The following ANO2 variants were observed in gnomAD, a reference collection of about 807,000 sequenced individuals.
The protein encoded by ANO2 is anoctamin-2.
In ANO2, 101 loss-of-function variants were observed where a neutral mutation model predicts 124.2. That is an observed-to-expected ratio of 0.81 (90% CI 0.69 to 0.96). The LOEUF (loss-of-function observed/expected upper bound fraction) is 0.96. ANO2 is among the 40% of genes least tolerant of loss of function. The probability of loss-of-function intolerance (pLI) is 0.00; values close to 1 mark genes in which losing one functional copy is unlikely to be tolerated. For missense variants in ANO2, 1,293 were observed against 1,274.5 expected, an observed-to-expected ratio of 1.01 and a Z score of -0.22; for synonymous variants, 486 against 482.5, an observed-to-expected ratio of 1.01 and a Z score of -0.09.
intron 7 of ANO2, 27 bp downstream of exon 7, chr12:5,827,732 GCCCGTCAGCA>G (rs747153296): frequency 2.5e-6 from 4 of 1,594,752 alleles, no homozygotes; most frequent in Non-Finnish European, 3.4e-6. Flanking sequence ...CCGCCTCAGC[GCCCGTCAGCA>G]CCCTGCCCGC....
chr12:5,643,848 A>G (rs1337072598), intron 15 of ANO2, among the ~76,000 whole-genome samples: 1 of 152,172 alleles, frequency 6.6e-6, no homozygotes, highest in Non-Finnish European at 1.5e-5. Context: ...TGTGAAGTAC[A>G]TATTCATCTT....
intron 7 of ANO2, among the ~76,000 whole-genome samples, chr12:5,820,285 T>C (rs1234779497): frequency 6.6e-6 from 1 of 152,140 alleles, no homozygotes; most frequent in East Asian, 1.9e-4. Flanking sequence ...TAACTGTGCA[T>C]TGGGGAAAGG....
Position 5,900,723 on chromosome 12 carries a change from G to A in ANO2, c.534+20317C>T, listed in dbSNP as rs1940137127. 6.6e-6 allele frequency among the ~76,000 whole-genome samples: 1 copy of A among 152,204 alleles called. No homozygotes were observed. The highest frequency in any genetic ancestry group is 1.5e-5 in the Non-Finnish European group (1 of 68,034). On this transcript the variant is annotated intron_variant, in intron 3 of 24. Transcript: ENST00000682330. The surrounding 1 kb of genome is among the most constrained non-coding windows in gnomAD (Gnocchi z 4.2). ...CATGGGTGGGGCCGGGACAGGAAAT[G>A]GCCAAGCACACAGCATCTTCCCAAC...
At chr12:5,725,954 T>C (rs1196511796) in intron 14 of ANO2, among the ~76,000 whole-genome samples, 5 of 152,084 alleles carry the variant, frequency 3.3e-5, no homozygotes, top group Non-Finnish European at 7.4e-5. Context: ...GTTACAGGGA[T>C]GAGAGGCAAA....
intron 3 of ANO2, among the ~76,000 whole-genome samples, chr12:5,883,505 GT>G (rs1938658429): frequency 8.6e-5 from 2 of 23,232 alleles, no homozygotes; most frequent in Non-Finnish European, 2.6e-4. Flanking sequence ...TTAGGGTGGT[GT>G]GTGTGTGTGT....
intron 3 of ANO2, chr12:5,870,500 C>T (rs1591720319): frequency 6.6e-6 from 1 of 152,252 alleles, no homozygotes; most frequent in Non-Finnish European, 1.5e-5. Flanking sequence ...TGTGACTTCA[C>T]AAAGGGCAGG....
chr12:5,606,381 T>C lies in ANO2; in HGVS notation c.2087+6275A>G, dbSNP rs113589909. On this transcript the variant is annotated intron_variant, in intron 19 of 24. Coordinates refer to ENST00000682330, the MANE Select transcript of ANO2 (RefSeq NM_001364791.2). Reference sequence around the variant, plus strand: ...CTTTGGCTTGCTACTGGTATGCCTTTGACAACTGCCAGGGCTTGCACTCTC... The same window carrying C: ...CTTTGGCTTGCTACTGGTATGCCTTCGACAACTGCCAGGGCTTGCACTCTC... 2.2e-3 allele frequency among the ~76,000 whole-genome samples: 333 copies of C among 152,354 alleles called. 2 individuals carry two copies. Among genetic ancestry groups the C allele is most frequent in the African/African-American group, 7.7e-3 (320 of 41,578 alleles).
Position 5,641,233 on chromosome 12 carries a change from GGGC to G in ANO2, c.1621-5889_1621-5887del, listed in dbSNP as rs1268173569. On this transcript the variant is annotated intron_variant, in intron 15 of 24. Transcript: ENST00000682330. ...ACATTGGGGCCTGTCAGGGGGTGGG[GGGC>G]AGGGGGAGGGATAGCATTAGGAGAA... Among the ~76,000 whole-genome samples the G allele has an allele frequency of 2.0e-5, 3 of 151,758 alleles. No individual in the cohort carries two copies. The South Asian group carries it at 6.3e-4, about 32-fold the overall frequency.
At chr12:5,720,332 GA>G (rs1222676645) in intron 14 of ANO2, among the ~76,000 whole-genome samples, 2 of 152,138 alleles carry the variant, frequency 1.3e-5, no homozygotes, top group Admixed American at 6.5e-5. Flanking sequence ...GACCCTGGAG[GA>G]ATTTTTTAAA....
rs757061440 is a variant in ANO2, at chr12:5,599,564, T to C, written c.2153A>G (p.His718Arg). ...GTCCCACTGCTCTGGATGTTTCGAA[T>C]GGGCAGAGTCAGTTTCTCCAGCTTC... ...ETEAGETDSA[H>R]SKHPEQWDLD... Residue 718 changes from histidine to arginine, a missense_variant, in exon 20 of 25, where the codon CAT (histidine) becomes CGT (arginine). Physicochemically the swap from His to Arg is conservative, Grantham distance 29. Transcript: ENST00000682330. 2 of 1,613,940 alleles carry C rather than the reference T, an allele frequency of 1.2e-6. No individual in the cohort carries two copies. The highest frequency in any genetic ancestry group is 1.6e-4 in the Middle Eastern group (1 of 6,062).
At chr12:5,946,120 A>T, upstream of ANO2, 1 of 1,611,552 alleles carries the variant, frequency 6.2e-7, no homozygotes, top group African/African-American at 1.3e-5. The surrounding 1 kb of genome is among the most constrained non-coding windows in gnomAD (Gnocchi z 4.1). Flanking sequence ...GTACTATGTT[A>T]AGGTCAAGTA....
intron 4 of ANO2, among the ~76,000 whole-genome samples, chr12:5,853,790 A>T (rs1010053967): frequency 6.6e-6 from 1 of 152,016 alleles, no homozygotes; most frequent in Non-Finnish European, 1.5e-5. Flanking sequence ...ACGGACAGGG[A>T]CAATGTGTTG....
chr12:5,764,877 A>T (rs1191506092), intron 10 of ANO2, among the ~76,000 whole-genome samples: 2 of 152,210 alleles, frequency 1.3e-5, no homozygotes, highest in African/African-American at 4.8e-5. Flanking sequence ...CATATGATAA[A>T]TTAAAGCTTA....
chr12:5,735,021 G>A (rs779593794), intron 13 of ANO2, among the ~76,000 whole-genome samples: 1 of 152,184 alleles, frequency 6.6e-6, no homozygotes, highest in Non-Finnish European at 1.5e-5. Flanking sequence ...TCAAAGAAGA[G>A]ACAGGCTGCG....
At chr12:5,822,588 A>G (rs1304866382) in intron 7 of ANO2, among the ~76,000 whole-genome samples, 1 of 152,200 alleles carries the variant, frequency 6.6e-6, no homozygotes, top group Non-Finnish European at 1.5e-5. Context: ...GCAGAGACCA[A>G]CACTGAGCCC....
intron 10 of ANO2, among the ~76,000 whole-genome samples, chr12:5,779,064 CAAAAAGAGTTGAATCA>C (rs1054430814): frequency 2.6e-5 from 4 of 152,180 alleles, no homozygotes; most frequent in African/African-American, 9.6e-5. Context: ...TGCCCAAGGG[CAAAAAGAGTTGAATCA>C]AATGACCTCT....
At position 5,616,707 on chromosome 12, in the gene ANO2, C is replaced by T. The variant is rs75247651; in HGVS notation, c.1817-1410G>A. Among the ~76,000 whole-genome samples, 813 of 152,280 alleles carry T rather than the reference C, an allele frequency of 5.3e-3. 7 individuals carry two copies. Among genetic ancestry groups the T allele is most frequent in the African/African-American group, 0.018 (750 of 41,546 alleles). ...ATTCACATATAGCTTTTGTAGGAATCGCTGAAGAAATGGACACAAAACTTT... is the reference window on the plus strand; with the variant it reads ...ATTCACATATAGCTTTTGTAGGAATTGCTGAAGAAATGGACACAAAACTTT... On this transcript the variant is annotated intron_variant, in intron 16 of 24. Transcript: ENST00000682330.
intron 3 of ANO2, among the ~76,000 whole-genome samples, chr12:5,865,114 C>T (rs911629086): frequency 6.6e-6 from 1 of 152,158 alleles, no homozygotes; most frequent in South Asian, 2.1e-4. Flanking sequence ...AGGATATGCC[C>T]CTGCCTTCTC....
chr12:5,886,834 G>T (rs1938946085), intron 3 of ANO2, among the ~76,000 whole-genome samples: 1 of 152,098 alleles, frequency 6.6e-6, no homozygotes, highest in South Asian at 2.1e-4. Context: ...GAAATAAAAG[G>T]ACGTGAAAGG....
Sources: gnomAD v4.1 joint callset for allele counts (sites outside exome capture counted in the v4.1 genomes callset) on GRCh38, gnomAD v4.1.1 for gene constraint, Gnocchi (gnomAD v3.1) non-coding constraint, MANE v1.5 for transcripts, NCBI Gene and HGNC (gene_info 2026-07-23, HGNC 2026-07-21) for gene names.